The following ESR1 variants were observed in gnomAD, a reference collection of about 807,000 sequenced individuals.
The protein encoded by ESR1 is estrogen receptor 1.
Under a neutral mutation model 52.7 loss-of-function variants are expected in ESR1, and 12 were observed. The observed-to-expected ratio is 0.23, with a 90% confidence interval of 0.15 to 0.37. The LOEUF (loss-of-function observed/expected upper bound fraction) is 0.37, where lower values mean the gene tolerates loss of function less well. Among genes scored for constraint, ESR1 ranks in the 10% least tolerant of loss-of-function variants. The pLI, the probability that ESR1 is intolerant of heterozygous loss-of-function variation, is 1.00. For missense variants in ESR1, 584 were observed against 779.7 expected (o/e 0.75, Z 2.99); for synonymous variants, 305 against 316.8 (o/e 0.96, Z 0.39).
chr6:151,798,309 G>A (rs181473915), intron 2 of ESR1, among the ~76,000 whole-genome samples: 7 of 152,266 alleles, frequency 4.6e-5, no homozygotes, highest in African/African-American at 1.2e-4. Context: ...AGATGAACTC[G>A]ACAGCATGAT....
intron 6 of ESR1, among the ~76,000 whole-genome samples, chr6:152,092,848 A>G (rs1440273414): frequency 6.6e-6 from 1 of 152,144 alleles, no homozygotes; most frequent in African/African-American, 2.4e-5. Flanking sequence ...TGAGGTCTCA[A>G]CTTCTTGTAA....
intron 4 of ESR1, among the ~76,000 whole-genome samples, chr6:151,967,311 C>T (rs1474922645): frequency 6.6e-6 from 1 of 152,104 alleles, no homozygotes. Context: ...TTAGGTATTT[C>T]TCCTAAATGC....
downstream of ESR1, among the ~76,000 whole-genome samples, chr6:152,106,235 A>G (rs2051065842): frequency 6.6e-6 from 1 of 152,190 alleles, no homozygotes; most frequent in African/African-American, 2.4e-5. Context: ...TATAAGCTCA[A>G]CCATGTTATT....
intron 4 of ESR1, among the ~76,000 whole-genome samples, chr6:151,964,552 G>T (rs2982694): frequency 0.86 from 130,340 of 152,098 alleles, 56,144 homozygotes; most frequent in Middle Eastern, 0.93. Flanking sequence ...TGTTTATCAG[G>T]TTTTAACAGT....
chr6:151,963,807 T>G (rs988242610), intron 4 of ESR1, among the ~76,000 whole-genome samples: 1 of 152,234 alleles, frequency 6.6e-6, no homozygotes, highest in Non-Finnish European at 1.5e-5. Context: ...TTATATAGTT[T>G]CAGTGCTTTT....
chr6:151,957,251 C>A (rs2037108231), intron 4 of ESR1, among the ~76,000 whole-genome samples: 1 of 151,882 alleles, frequency 6.6e-6, no homozygotes, highest in African/African-American at 2.4e-5. Context: ...AGTAAGTGTT[C>A]AAAAATATTC....
At chr6:151,859,556 A>G (rs910211806) in intron 2 of ESR1, among the ~76,000 whole-genome samples, 5 of 152,144 alleles carry the variant, frequency 3.3e-5, no homozygotes, top group Admixed American at 3.3e-4. Context: ...AGACCCTGTG[A>G]GGACCTTAGC....
chr6:151,865,180 C>A (rs1789651218), intron 2 of ESR1, among the ~76,000 whole-genome samples: 1 of 152,060 alleles, frequency 6.6e-6, no homozygotes. Context: ...CACACACACA[C>A]CCCACACATA....
chr6:151,659,076 T>C (rs928119594), intron 1 of ESR1, among the ~76,000 whole-genome samples: 1 of 151,516 alleles, frequency 6.6e-6, no homozygotes, highest in African/African-American at 2.4e-5. Flanking sequence ...TGCAGTAGTG[T>C]GATCTCGGCT....
chr6:151,891,182 A>T (rs1304471396), intron 3 of ESR1, among the ~76,000 whole-genome samples: 1 of 152,122 alleles, frequency 6.6e-6, no homozygotes, highest in Non-Finnish European at 1.5e-5. Flanking sequence ...TTATTTAGAG[A>T]TAATTTTGAT....
At chr6:151,969,872 G>A (rs1270334923) in intron 4 of ESR1, among the ~76,000 whole-genome samples, 1 of 152,000 alleles carries the variant, frequency 6.6e-6, no homozygotes. Context: ...TGTTAGTGGT[G>A]TGTTTCTCTC....
intron 6 of ESR1, among the ~76,000 whole-genome samples, chr6:152,063,662 A>G (rs892894015): frequency 4.6e-5 from 7 of 152,208 alleles, no homozygotes; most frequent in Non-Finnish European, 1.0e-4. Flanking sequence ...CTAAAAGTCC[A>G]ACTGATTCAT....
At chr6:152,119,878 G>A (rs920966115) in intron 6 of ESR1, among the ~76,000 whole-genome samples, 15 of 152,216 alleles carry the variant, frequency 9.9e-5, no homozygotes, top group African/African-American at 3.4e-4. Flanking sequence ...ATCTGGGGAA[G>A]AGCCACGACC....
At chr6:151,997,154 T>C (rs909350206) in intron 4 of ESR1, among the ~76,000 whole-genome samples, 1 of 152,084 alleles carries the variant, frequency 6.6e-6, no homozygotes, top group African/African-American at 2.4e-5. Flanking sequence ...CTTTGGATGA[T>C]TTGTGCAAAT....
chr6:151,929,371 A>G (rs529295628), intron 3 of ESR1, among the ~76,000 whole-genome samples: 1 of 152,206 alleles, frequency 6.6e-6, no homozygotes, highest in African/African-American at 2.4e-5. Context: ...TGAAATTAAT[A>G]TAGCCACTCC....
intron 1 of ESR1, among the ~76,000 whole-genome samples, chr6:151,685,178 C>A (rs1464293479): frequency 1.6e-5 from 2 of 123,828 alleles, no homozygotes; most frequent in Non-Finnish European, 3.1e-5. Flanking sequence ...CCAGGCCGGA[C>A]TGCGGACTGC....
rs550010712 is a variant in ESR1 at position 152,030,333 on chromosome 6, A to G, written c.1235+18539A>G. On this transcript the variant is annotated intron_variant, in intron 5 of 7. Transcript: ENST00000206249. ...GGGCTAAATGCTTCAATTAAAAGAC[A>G]CAGACTGGCAAATTGGATAAAGAGT... Among the ~76,000 whole-genome samples, 248 of 152,264 alleles carry G rather than the reference A, an allele frequency of 1.6e-3. 1 individual carries two copies. The highest frequency in any genetic ancestry group is 5.7e-3 in the African/African-American group (237 of 41,520).
At chr6:151,685,378 C>T (rs1315170813) in intron 1 of ESR1, among the ~76,000 whole-genome samples, 1 of 151,906 alleles carries the variant, frequency 6.6e-6, no homozygotes, top group Non-Finnish European at 1.5e-5. Flanking sequence ...CATGATCCAC[C>T]CGCCTCGGCC....
chr6:152,098,078 G>A lies in ESR1; in HGVS notation c.1554-654G>A, dbSNP rs1341262652. On this transcript the variant is annotated intron_variant, in intron 7 of 7. Transcript: ENST00000206249. This position sits in a 1 kb window ranked among gnomAD's most constrained non-coding sequence, Gnocchi z 5.1. ...ATCCCAGCAAGTAGGAACAGCAAGTGTAGGTCCCCTAAGTCTTGGGGGAGC... is the reference window on the plus strand; with the variant it reads ...ATCCCAGCAAGTAGGAACAGCAAGTATAGGTCCCCTAAGTCTTGGGGGAGC... Among the ~76,000 whole-genome samples the A allele has an allele frequency of 6.6e-6, 1 of 152,084 alleles. No individual in the cohort carries two copies. Among genetic ancestry groups the A allele is most frequent in the South Asian group, 2.1e-4 (1 of 4,816 alleles).
Sources: gnomAD v4.1 joint callset for allele counts (sites outside exome capture counted in the v4.1 genomes callset) on GRCh38, gnomAD v4.1.1 for gene constraint, Gnocchi (gnomAD v3.1) non-coding constraint, MANE v1.5 for transcripts, NCBI Gene and HGNC (gene_info 2026-07-23, HGNC 2026-07-21) for gene names.